The following STARD3NL variants were observed in gnomAD, a reference collection of about 807,000 sequenced individuals.
The protein encoded by STARD3NL is STARD3 N-terminal like.
Under a neutral mutation model 30.9 loss-of-function variants are expected in STARD3NL, and 17 were observed. That is an observed-to-expected ratio of 0.55 (90% confidence interval 0.38 to 0.82). The LOEUF (loss-of-function observed/expected upper bound fraction) is 0.82, where lower values mean the gene tolerates loss of function less well. Ranked by LOEUF, STARD3NL falls within the 40% of genes least tolerant of loss-of-function variation. STARD3NL has a pLI of 0.00. For synonymous variants in STARD3NL, 112 were observed against 100.5 expected, an observed-to-expected ratio of 1.11 and a Z score of -0.69; for missense variants, 234 against 277.6, an observed-to-expected ratio of 0.84 and a Z score of 1.12.
At chr7:38,190,083 C>A (rs922990448) in intron 1 of STARD3NL, among the ~76,000 whole-genome samples, 7 of 152,176 alleles carry the variant, frequency 4.6e-5, no homozygotes, top group Admixed American at 3.3e-4. Context: ...TTCAAGCCCC[C>A]CCAGGGGATG....
chr7:38,206,977 T>C (rs948059799), intron 1 of STARD3NL, among the ~76,000 whole-genome samples: 2 of 152,206 alleles, frequency 1.3e-5, no homozygotes, highest in Non-Finnish European at 2.9e-5. Context: ...CTTGCTATAT[T>C]GCCCAGGCTT....
chr7:38,215,037 G>A lies in STARD3NL; in HGVS notation c.313G>A (p.Val105Ile). 1.2e-6 allele frequency: 2 copies of A among 1,613,844 alleles called. No homozygotes were observed. Among genetic ancestry groups the A allele is most frequent in the Admixed American group, 3.3e-5 (2 of 59,974 alleles). ...ATTTTCTTACTTTCAGCTTCTGGCA[G>A]TTTTTCGATTTAAAGTGTTAATACT... ...SSYFDIFLLA[V>I]FRFKVLILAY... The change falls in exon 4 of 9, where the codon GTT (valine) becomes ATT (isoleucine). Residue 105 changes from valine to isoleucine, a missense_variant. By Grantham distance (29) the Val-to-Ile change is conservative. Coordinates refer to ENST00000009041, the MANE Select transcript of STARD3NL (RefSeq NM_032016.4).
intron 2 of STARD3NL, among the ~76,000 whole-genome samples, chr7:38,213,747 AG>A (rs1188885471): frequency 6.6e-6 from 1 of 152,220 alleles, no homozygotes; most frequent in Non-Finnish European, 1.5e-5. Context: ...TAGCATTGGG[AG>A]AGGACAGAAA....
At chr7:38,208,317 T>C (rs568387344) in intron 2 of STARD3NL, among the ~76,000 whole-genome samples, 6 of 152,338 alleles carry the variant, frequency 3.9e-5, no homozygotes, top group Admixed American at 2.6e-4. Flanking sequence ...AGATTACTTA[T>C]TTATATTTCA....
At chr7:38,222,867 A>G (rs1374515556) in intron 7 of STARD3NL, among the ~76,000 whole-genome samples, 1 of 152,210 alleles carries the variant, frequency 6.6e-6, no homozygotes, top group African/African-American at 2.4e-5. Context: ...AATTTAGGAA[A>G]GAATTAAAAA....
chr7:38,182,405 T>G (rs1784286242), intron 1 of STARD3NL, among the ~76,000 whole-genome samples: 1 of 152,226 alleles, frequency 6.6e-6, no homozygotes, highest in Non-Finnish European at 1.5e-5. Context: ...TGGAAAATAC[T>G]AACAACGATT....
intron 6 of STARD3NL, among the ~76,000 whole-genome samples, chr7:38,217,513 AT>A (rs1562621641): frequency 6.6e-6 from 1 of 152,178 alleles, no homozygotes; most frequent in African/African-American, 2.4e-5. Flanking sequence ...CTCTCCAGCT[AT>A]CAGGCCAGGC....
intron 2 of STARD3NL, among the ~76,000 whole-genome samples, chr7:38,208,396 G>C (rs1785611192): frequency 6.6e-6 from 1 of 152,134 alleles, no homozygotes; most frequent in Non-Finnish European, 1.5e-5. Context: ...TAATTGTTTA[G>C]ACCAGTACTG....
intron 7 of STARD3NL, among the ~76,000 whole-genome samples, chr7:38,225,124 A>G (rs1421276998): frequency 6.6e-6 from 1 of 152,160 alleles, no homozygotes; most frequent in East Asian, 1.9e-4. Flanking sequence ...TCATGTTTCT[A>G]TTATATGTAA....
intron 8 of STARD3NL, among the ~76,000 whole-genome samples, chr7:38,229,155 A>G (rs765286371): frequency 1.3e-5 from 2 of 152,236 alleles, no homozygotes; most frequent in Non-Finnish European, 1.5e-5. Flanking sequence ...TGCCAGTCAC[A>G]TGTCATTGTT....
chr7:38,213,576 T>C (rs1785932387), intron 2 of STARD3NL, among the ~76,000 whole-genome samples: 2 of 151,720 alleles, frequency 1.3e-5, no homozygotes, highest in Non-Finnish European at 2.9e-5. Flanking sequence ...ATTTGTTTGC[T>C]CCCTCTGATC....
At chr7:38,222,727 A>G (rs958298916) in intron 7 of STARD3NL, among the ~76,000 whole-genome samples, 1 of 152,178 alleles carries the variant, frequency 6.6e-6, no homozygotes, top group Non-Finnish European at 1.5e-5. Context: ...AGGAAGGTAA[A>G]CAAAAACAAA....
intron 4 of STARD3NL, chr7:38,216,219 G>T (rs1010404438): frequency 2.6e-5 from 4 of 152,200 alleles, no homozygotes; most frequent in African/African-American, 9.7e-5. Context: ...TAGATATTCA[G>T]TGAGAGCTGT....
intron 4 of STARD3NL, chr7:38,216,675 C>G (rs1316488209): frequency 5.3e-5 from 13 of 246,670 alleles, no homozygotes; most frequent in Non-Finnish European, 9.4e-5. Context: ...TTCACAACCC[C>G]TGGCGAGAGC....
intron 7 of STARD3NL, among the ~76,000 whole-genome samples, 171 bp downstream of exon 7, chr7:38,219,831 A>C (rs1249502053): frequency 2.0e-5 from 3 of 152,210 alleles, no homozygotes; most frequent in Non-Finnish European, 2.9e-5. Flanking sequence ...CAGTGGTAAG[A>C]CACAGAGTTG....
chr7:38,226,940 A>C (rs1397919065), intron 7 of STARD3NL, among the ~76,000 whole-genome samples: 1 of 152,230 alleles, frequency 6.6e-6, no homozygotes, highest in Admixed American at 6.5e-5. Flanking sequence ...AGCTCCAGGC[A>C]AGACACAACT....
At chr7:38,193,905 G>C (rs1397044691) in intron 1 of STARD3NL, among the ~76,000 whole-genome samples, 2 of 152,088 alleles carry the variant, frequency 1.3e-5, no homozygotes, top group African/African-American at 4.8e-5. Context: ...ACATGTTCTT[G>C]TTCAGATAAT....
At chr7:38,198,681 G>A (rs1035339252) in intron 1 of STARD3NL, among the ~76,000 whole-genome samples, 4 of 152,214 alleles carry the variant, frequency 2.6e-5, no homozygotes, top group African/African-American at 9.7e-5. Flanking sequence ...GAGAGACTTG[G>A]CTTGGCTGTC....
intron 1 of STARD3NL, among the ~76,000 whole-genome samples, chr7:38,204,630 AAGATC>A (rs1785356337): frequency 6.6e-6 from 1 of 152,236 alleles, no homozygotes; most frequent in South Asian, 2.1e-4. Flanking sequence ...AGAAATAACT[AAGATC>A]AGAGCAGAAC....
Sources: gnomAD v4.1 joint callset for allele counts (sites outside exome capture counted in the v4.1 genomes callset) on GRCh38, gnomAD v4.1.1 for gene constraint, MANE v1.5 for transcripts, NCBI Gene and HGNC (gene_info 2026-07-23, HGNC 2026-07-21) for gene names.